ERGIC1: variants seen among roughly 807,000 people sequenced by gnomAD.
ERGIC1 encodes endoplasmic reticulum-golgi intermediate compartment 1.
A neutral mutation model predicts 38.3 loss-of-function variants in ERGIC1; 19 were observed. That is an observed-to-expected ratio of 0.50 (90% confidence interval 0.35 to 0.73). The LOEUF is 0.73. Ranked by LOEUF, ERGIC1 falls within the 30% of genes least tolerant of loss-of-function variation. The pLI, the probability that ERGIC1 is intolerant of heterozygous loss-of-function variation, is 0.01. For missense variants in ERGIC1, 294 were observed against 389.2 expected, an observed-to-expected ratio of 0.76 and a Z score of 2.06; for synonymous variants, 124 against 157.6, an observed-to-expected ratio of 0.79 and a Z score of 1.60.
intron 1 of ERGIC1, among the ~76,000 whole-genome samples, chr5:172,847,247 A>C (rs1761301491): frequency 6.6e-6 from 1 of 152,090 alleles, no homozygotes; most frequent in Non-Finnish European, 1.5e-5. Flanking sequence ...ATTGGGTGGC[A>C]GGTCAAGATG....
intron 9 of ERGIC1, among the ~76,000 whole-genome samples, chr5:172,944,192 C>T (rs184536683): frequency 7.9e-4 from 120 of 152,334 alleles, no homozygotes; most frequent in Non-Finnish European, 1.4e-3. Flanking sequence ...AGGTGGCCCT[C>T]CCTGGCTCAG....
At chr5:172,850,616 CTCTGAG>C (rs904517043) in intron 1 of ERGIC1, among the ~76,000 whole-genome samples, 1 of 152,160 alleles carries the variant, frequency 6.6e-6, no homozygotes, top group African/African-American at 2.4e-5. Flanking sequence ...CACTTCACCT[CTCTGAG>C]TCTGTTTTCT....
chr5:172,941,387 C>G (rs1764009814), intron 9 of ERGIC1, among the ~76,000 whole-genome samples: 1 of 152,190 alleles, frequency 6.6e-6, no homozygotes, highest in African/African-American at 2.4e-5. Flanking sequence ...CCCCCAGCAA[C>G]CTCTCAAGGT....
rs188189771 is a variant in ERGIC1 at position 172,848,149 on chromosome 5, G to A, written c.20+13716G>A. On this transcript the variant is annotated intron_variant, in intron 1 of 9. Coordinates refer to ENST00000393784, the MANE Select transcript of ERGIC1 (RefSeq NM_001031711.3). ...AACTTTTTTCATGGTGGGGTCTGAT[G>A]TCATTTAACCACCAGGGAAGTAGGG... Among the ~76,000 whole-genome samples the A allele has an allele frequency of 1.7e-4, 26 of 152,326 alleles. No homozygotes were observed. In the South Asian group the frequency reaches 3.1e-3, roughly 18 times the overall value.
intron 2 of ERGIC1, among the ~76,000 whole-genome samples, chr5:172,894,577 T>A (rs1762677562): frequency 6.6e-6 from 1 of 152,144 alleles, no homozygotes; most frequent in Non-Finnish European, 1.5e-5. Flanking sequence ...CAGTGAGCAG[T>A]CTGGGGACAT....
intron 1 of ERGIC1, among the ~76,000 whole-genome samples, chr5:172,874,469 C>T (rs568185748): frequency 1.3e-5 from 2 of 152,186 alleles, no homozygotes; most frequent in Non-Finnish European, 2.9e-5. Context: ...TCATCCATTG[C>T]ACAAGTGCTT....
At chr5:172,932,841 A>G in intron 8 of ERGIC1, 1 of 358,704 alleles carries the variant, frequency 2.8e-6, no homozygotes, top group Non-Finnish European at 5.2e-6. Flanking sequence ...ACAGCCCTGC[A>G]TCTGGTCCGA....
chr5:172,915,455 G>A (rs1763336990), intron 5 of ERGIC1: 1 of 414,830 alleles, frequency 2.4e-6, no homozygotes, highest in African/African-American at 2.0e-5. Flanking sequence ...AGATGAGGTG[G>A]GCTTGAAAGT....
chr5:172,853,682 G>A (rs1018260035), intron 1 of ERGIC1, among the ~76,000 whole-genome samples: 6 of 152,242 alleles, frequency 3.9e-5, no homozygotes, highest in East Asian at 1.9e-4. Flanking sequence ...AAGGAGCTGC[G>A]TTGTCAGGAG....
intron 7 of ERGIC1, among the ~76,000 whole-genome samples, chr5:172,932,010 C>T (rs1263390341): frequency 6.6e-6 from 1 of 152,146 alleles, no homozygotes; most frequent in East Asian, 1.9e-4. Flanking sequence ...AGGCACCTGC[C>T]ACCACGCCTG....
chr5:172,851,164 G>A (rs1285065461), intron 1 of ERGIC1, among the ~76,000 whole-genome samples: 1 of 141,326 alleles, frequency 7.1e-6, no homozygotes. Context: ...TTGCACAACT[G>A]CACTCCAGCC....
chr5:172,839,163 C>T (rs997847211), intron 1 of ERGIC1, among the ~76,000 whole-genome samples: 1 of 151,152 alleles, frequency 6.6e-6, no homozygotes, highest in Non-Finnish European at 1.5e-5. Context: ...ATTGCTTGAG[C>T]CCGGGAGACG....
intron 9 of ERGIC1, among the ~76,000 whole-genome samples, chr5:172,948,051 A>G (rs1432202254): frequency 6.6e-6 from 1 of 152,188 alleles, no homozygotes; most frequent in Non-Finnish European, 1.5e-5. Flanking sequence ...CCCTGCCGTC[A>G]TCTTCCCTGA....
chr5:172,886,003 A>T (rs1183294721), intron 1 of ERGIC1, among the ~76,000 whole-genome samples: 1 of 152,038 alleles, frequency 6.6e-6, no homozygotes, highest in Non-Finnish European at 1.5e-5. Flanking sequence ...TCTACCTGGC[A>T]GGTGTCAGCT....
chr5:172,886,134 G>A (rs1056033741), intron 1 of ERGIC1, among the ~76,000 whole-genome samples: 8 of 151,612 alleles, frequency 5.3e-5, no homozygotes, highest in Admixed American at 3.3e-4. Flanking sequence ...GGCCCCCATC[G>A]ACACTTGGTG....
intron 1 of ERGIC1, among the ~76,000 whole-genome samples, chr5:172,850,176 C>T (rs2113028691): frequency 6.6e-6 from 1 of 152,308 alleles, no homozygotes; most frequent in South Asian, 2.1e-4. Context: ...TGACTTTCCC[C>T]AATTTGGCTT....
intron 1 of ERGIC1, among the ~76,000 whole-genome samples, chr5:172,857,118 G>A (rs961198856): frequency 7.9e-5 from 12 of 152,164 alleles, no homozygotes; most frequent in Non-Finnish European, 7.3e-5. Flanking sequence ...CAAATAACAC[G>A]GTAAAGAGAC....
chr5:172,945,997 T>C (rs544764), intron 9 of ERGIC1, among the ~76,000 whole-genome samples: 5,380 of 152,284 alleles, frequency 0.035, 322 homozygotes, highest in African/African-American at 0.12. Context: ...TTTCCTGTTT[T>C]ATAGATGAAG....
intron 1 of ERGIC1, among the ~76,000 whole-genome samples, chr5:172,841,618 G>A (rs1170534713): frequency 6.6e-6 from 1 of 152,188 alleles, no homozygotes; most frequent in Non-Finnish European, 1.5e-5. Context: ...TGATGTACTG[G>A]GGACTGGCGT....
Sources: gnomAD v4.1 joint callset for allele counts (sites outside exome capture counted in the v4.1 genomes callset) on GRCh38, gnomAD v4.1.1 for gene constraint, MANE v1.5 for transcripts, NCBI Gene and HGNC (gene_info 2026-07-23, HGNC 2026-07-21) for gene names.